The following SORCS2 variants were observed in gnomAD, a reference collection of about 807,000 sequenced individuals.
SORCS2 encodes VPS10 domain-containing receptor SorCS2.
SORCS2 carries 100 observed loss-of-function variants against 141.6 expected under a neutral mutation model. That is an observed-to-expected ratio of 0.71 (90% CI 0.60 to 0.83). The LOEUF is 0.83. SORCS2 is among the 40% of genes least tolerant of loss of function. SORCS2 has a pLI of 0.00. For synonymous variants in SORCS2, 789 were observed against 676.9 expected (o/e 1.17, Z -2.57); for missense variants, 1,646 against 1,560.2 (o/e 1.05, Z -0.93).
At chr4:7,661,650 G>A in intron 6 of SORCS2, 86 bp downstream of exon 6, 3 of 1,258,822 alleles carry the variant, frequency 2.4e-6, no homozygotes, top group South Asian at 2.6e-5. Context: ...TCAGTCGCTT[G>A]TCCGCAATGG....
intron 3 of SORCS2, among the ~76,000 whole-genome samples, chr4:7,584,767 A>C (rs1716423805): frequency 6.6e-6 from 1 of 152,192 alleles, no homozygotes; most frequent in Non-Finnish European, 1.5e-5. Flanking sequence ...GAGCATCATA[A>C]TTCTGCAGCC....
At chr4:7,596,343 G>A (rs1717275941) in intron 3 of SORCS2, among the ~76,000 whole-genome samples, 1 of 152,138 alleles carries the variant, frequency 6.6e-6, no homozygotes, top group African/African-American at 2.4e-5. Context: ...TCATTTTCTG[G>A]TTGAAGTGCC....
At chr4:7,699,611 T>C (rs1185265436) in intron 12 of SORCS2, among the ~76,000 whole-genome samples, 1 of 152,056 alleles carries the variant, frequency 6.6e-6, no homozygotes, top group Non-Finnish European at 1.5e-5. Context: ...AAAGCAGTCG[T>C]TTAGGCTCCT....
At chr4:7,670,246 C>T (rs911665544) in intron 8 of SORCS2, among the ~76,000 whole-genome samples, 5 of 152,176 alleles carry the variant, frequency 3.3e-5, no homozygotes, top group Non-Finnish European at 7.3e-5. Context: ...ATTTACCTGT[C>T]TGTGAAAACT....
rs536423873 is a variant in SORCS2 at position 7,664,043 on chromosome 4, C to T, written c.953-310C>T. Among the ~76,000 whole-genome samples the T allele has an allele frequency of 9.2e-5, 14 of 152,278 alleles. No individual in the cohort carries two copies. The highest frequency in any genetic ancestry group is 1.4e-4 in the African/African-American group (6 of 41,548). On this transcript the variant is annotated intron_variant, in intron 6 of 26. Transcript: ENST00000507866. This position sits in a 1 kb window ranked among gnomAD's most constrained non-coding sequence, Gnocchi z 4.7. ...AGAGACTTCAGGAGGGTATGGGGGCCGTGCATGTCTGGGTGTGGCGAGGTA... is the reference window on the plus strand; with the variant it reads ...AGAGACTTCAGGAGGGTATGGGGGCTGTGCATGTCTGGGTGTGGCGAGGTA...
intron 3 of SORCS2, among the ~76,000 whole-genome samples, chr4:7,619,349 T>G (rs1718989714): frequency 6.6e-6 from 1 of 152,170 alleles, no homozygotes; most frequent in African/African-American, 2.4e-5. Flanking sequence ...GGGAAGCTTA[T>G]CCAGTAAGTC....
At chr4:7,724,142 A>ATAGTGGTGGTGGTGG (rs1560112934) in intron 19 of SORCS2, among the ~76,000 whole-genome samples, 10 of 99,314 alleles carry the variant, frequency 1.0e-4, no homozygotes, top group African/African-American at 3.7e-4. Flanking sequence ...GGTGGTGGTG[A>ATAGTGGTGGTGGTGG]TGGTCGTGGT....
chr4:7,687,013 G>C (rs1723921736), intron 10 of SORCS2, among the ~76,000 whole-genome samples: 2 of 152,202 alleles, frequency 1.3e-5, no homozygotes, highest in African/African-American at 2.4e-5. Context: ...GGTGGGGAGA[G>C]GTAGCTAGGG....
chr4:7,418,711 C>CCCG (rs1553859474), intron 2 of SORCS2, among the ~76,000 whole-genome samples: 2 of 119,674 alleles, frequency 1.7e-5, no homozygotes, highest in East Asian at 4.7e-4. Context: ...GACCCCCCCC[C>CCCG]CCACCAGATT....
At chr4:7,254,668 C>T (rs545315863) in intron 1 of SORCS2, among the ~76,000 whole-genome samples, 24 of 152,274 alleles carry the variant, frequency 1.6e-4, no homozygotes, top group Middle Eastern at 3.4e-3. Flanking sequence ...AAAAGAGGGG[C>T]GGGCTGACAC....
chr4:7,664,529 G>T lies in SORCS2; in HGVS notation c.1071+58G>T. 1 of 1,284,500 alleles carries T rather than the reference G, an allele frequency of 7.8e-7. No individual in the cohort carries two copies. Among genetic ancestry groups the T allele is most frequent in the African/African-American group, 1.5e-5 (1 of 67,098 alleles). The allele number at this position is 1,284,500 out of a possible 1,614,324, so 79.6% of individuals were successfully genotyped here. A position where few individuals can be genotyped will look rare whatever the true frequency, so the allele number is the denominator to read the frequency against. On this transcript the variant is annotated intron_variant, in intron 7 of 26. Coordinates refer to ENST00000507866, the MANE Select transcript of SORCS2 (RefSeq NM_020777.3). The surrounding 1 kb of genome is among the most constrained non-coding windows in gnomAD (Gnocchi z 4.7). Reference sequence around the variant, plus strand: ...CAACAGGTGACGTGGCGGATGACCCGTTCGCGGCAAAAATGGCATCGCTCA... The same window carrying T: ...CAACAGGTGACGTGGCGGATGACCCTTTCGCGGCAAAAATGGCATCGCTCA...
intron 23 of SORCS2, among the ~76,000 whole-genome samples, chr4:7,730,966 T>C (rs1711613496): frequency 6.6e-6 from 1 of 152,204 alleles, no homozygotes; most frequent in East Asian, 1.9e-4. Context: ...CTGGAAGGCG[T>C]GGCCCGTGCA....
intron 2 of SORCS2, among the ~76,000 whole-genome samples, chr4:7,412,100 C>T (rs2109156926): frequency 6.6e-6 from 1 of 152,344 alleles, no homozygotes; most frequent in South Asian, 2.1e-4. Flanking sequence ...GTGGTAGGGA[C>T]ACTCTGCCCC....
intron 1 of SORCS2, among the ~76,000 whole-genome samples, chr4:7,354,935 T>C (rs1460796419): frequency 6.6e-6 from 1 of 152,220 alleles, no homozygotes; most frequent in Non-Finnish European, 1.5e-5. Context: ...GAATATTAGG[T>C]GGCTTTTATC....
chr4:7,652,478 C>G (rs781222321), intron 4 of SORCS2, among the ~76,000 whole-genome samples: 1 of 152,070 alleles, frequency 6.6e-6, no homozygotes, highest in Non-Finnish European at 1.5e-5. Context: ...CCTCCCAGAC[C>G]TGGGGCACTG....
chr4:7,722,176 G>A (rs1258701630), intron 18 of SORCS2, among the ~76,000 whole-genome samples: 9 of 152,072 alleles, frequency 5.9e-5, no homozygotes, highest in Non-Finnish European at 1.2e-4. Context: ...CAGGTTGAGC[G>A]GATCACGAGT....
chr4:7,420,560 C>G (rs1018074101), intron 2 of SORCS2, among the ~76,000 whole-genome samples: 1 of 152,146 alleles, frequency 6.6e-6, no homozygotes, highest in African/African-American at 2.4e-5. Flanking sequence ...TCATGGGACT[C>G]AGGAAGGCAG....
intron 1 of SORCS2, among the ~76,000 whole-genome samples, chr4:7,320,679 C>A (rs1180655096): frequency 6.6e-6 from 1 of 152,128 alleles, no homozygotes; most frequent in African/African-American, 2.4e-5. Flanking sequence ...CAGAGTCATT[C>A]TGTACACCTT....
intron 14 of SORCS2, among the ~76,000 whole-genome samples, chr4:7,708,594 G>A (rs1309224929): frequency 2.0e-5 from 3 of 152,290 alleles, no homozygotes; most frequent in African/African-American, 7.2e-5. Context: ...AGTCTGGGGG[G>A]CGTCTTCCCC....
Sources: allele counts gnomAD v4.1 joint callset (sites outside exome capture counted in the v4.1 genomes callset), GRCh38; gene constraint gnomAD v4.1.1; non-coding constraint Gnocchi (gnomAD v3.1); transcripts MANE v1.5; gene names NCBI Gene and HGNC (gene_info 2026-07-23, HGNC 2026-07-21).